Variants in ZFAT observed in about 807,000 individuals in gnomAD.
ZFAT encodes zinc finger protein ZFAT.
In ZFAT, 64 loss-of-function variants were observed where a neutral mutation model predicts 117.7. The ratio of observed to expected loss-of-function variants is 0.54; its 90% CI spans 0.44 to 0.67. The LOEUF (loss-of-function observed/expected upper bound fraction) is 0.67, where lower values mean the gene tolerates loss of function less well. Ranked by LOEUF, ZFAT falls within the 30% of genes least tolerant of loss-of-function variation. ZFAT has a pLI of 0.00. For missense variants in ZFAT, 1,433 were observed against 1,584.5 expected (o/e 0.90, Z 1.62); for synonymous variants, 679 against 615.0 (o/e 1.10, Z -1.54).
the ZFAT span, among the ~76,000 whole-genome samples, chr8:134,737,827 C>G: frequency 0.024 from 3,700 of 152,256 alleles, 58 homozygotes; most frequent in South Asian, 0.048. Context: ...GGCTCCTATC[C>G]AAGTCATTGT....
chr8:134,676,424 A>G (rs1832807837), intron 1 of ZFAT, among the ~76,000 whole-genome samples: 1 of 152,216 alleles, frequency 6.6e-6, no homozygotes. Context: ...CACCCGATAC[A>G]GGTGCACCCA....
chr8:134,487,754 G>A (rs1359273363), intron 15 of ZFAT, among the ~76,000 whole-genome samples: 1 of 152,142 alleles, frequency 6.6e-6, no homozygotes, highest in African/African-American at 2.4e-5. Context: ...CCTCCAGGAA[G>A]CTCCGTCAGT....
At chr8:134,505,284 A>G (rs2083683) in intron 15 of ZFAT, among the ~76,000 whole-genome samples, 121,210 of 152,082 alleles carry the variant, frequency 0.8, 48,551 homozygotes, top group East Asian at 0.97. Context: ...AGCTCAAGGT[A>G]TATTTGTTGC....
In ZFAT at chr8:134,657,457, G is replaced by C. The variant is rs180872425; in HGVS notation, c.196+104C>G. On this transcript the variant is annotated intron_variant, in intron 2 of 15. Coordinates refer to ENST00000377838, the MANE Select transcript of ZFAT (RefSeq NM_020863.4). ...CAATTGGAGACTTATTGTGACTTCT[G>C]ATTTGGAAATGTGGATTTTCTAGGC... 4 of 1,221,960 alleles carry C rather than the reference G, an allele frequency of 3.3e-6. No individual in the cohort carries two copies. The Admixed American group carries it at 9.9e-5, about 30-fold the overall frequency. The allele number at this position is 1,221,960 out of a possible 1,614,324, so 75.7% of individuals were successfully genotyped here. A position where few individuals can be genotyped will look rare whatever the true frequency, so the allele number is the denominator to read the frequency against.
chr8:134,821,500 G>C, the ZFAT span, among the ~76,000 whole-genome samples: 1 of 151,498 alleles, frequency 6.6e-6, no homozygotes, highest in African/African-American at 2.4e-5. Flanking sequence ...CATGAGTAGA[G>C]CGATATAGAT....
At position 134,695,224 on chromosome 8, in the gene ZFAT, G is replaced by C. The variant is rs538264376; in HGVS notation, c.19+17621C>G. Among the ~76,000 whole-genome samples the C allele has an allele frequency of 5.3e-4, 80 of 152,180 alleles. 1 individual carries two copies. Among genetic ancestry groups the C allele is most frequent in the Middle Eastern group, 6.8e-3 (2 of 294 alleles). ...CCCGGGAGGCACCCCGGCCAGGAAG[G>C]CCCTCGCAGACGCTCTGAGAAGTGA... On this transcript the variant is annotated intron_variant, in intron 1 of 15. Transcript: ENST00000377838.
chr8:134,515,308 C>T (rs1820173694), intron 13 of ZFAT, among the ~76,000 whole-genome samples: 1 of 152,142 alleles, frequency 6.6e-6, no homozygotes, highest in South Asian at 2.1e-4. Context: ...GATTTATAAT[C>T]CTTTGGGTAT....
At chr8:134,636,470 T>C (rs78286317) in intron 3 of ZFAT, among the ~76,000 whole-genome samples, 5 of 152,172 alleles carry the variant, frequency 3.3e-5, no homozygotes, top group African/African-American at 9.7e-5. Flanking sequence ...AAAGCAACCA[T>C]AGGAGACAGG....
chr8:134,622,202 G>A (rs1226521311), intron 3 of ZFAT, among the ~76,000 whole-genome samples: 4 of 152,158 alleles, frequency 2.6e-5, no homozygotes, highest in African/African-American at 4.8e-5. Context: ...CATGAGCTGC[G>A]ACAGAGCCCC....
At position 134,615,280 on chromosome 8, in the gene ZFAT, G is replaced by A. The variant is rs146811935; in HGVS notation, c.449-4625C>T. ...TGGCTGACTGCAACCTCCACCTCCG[G>A]AGTTCAAGTGATTCTCGTGCCTCAG... On this transcript the variant is annotated intron_variant, in intron 3 of 15. Coordinates refer to ENST00000377838, the MANE Select transcript of ZFAT (RefSeq NM_020863.4). Among the ~76,000 whole-genome samples, 784 of 152,262 alleles carry A rather than the reference G, an allele frequency of 5.1e-3. 3 individuals carry two copies. Among genetic ancestry groups the A allele is most frequent in the Admixed American group, 6.7e-3 (103 of 15,294 alleles).
chr8:134,653,276 AAAAAAAAAAAAAAAAC>A (rs1831378022), intron 2 of ZFAT, among the ~76,000 whole-genome samples: 1 of 129,604 alleles, frequency 7.7e-6, no homozygotes, highest in Admixed American at 7.5e-5. Flanking sequence ...TTTTTAAAAA[AAAAAAAAAAAAAAAAC>A]AAAAAACAGG....
chr8:134,653,270 TAAAAAAA>T (rs374514584), intron 2 of ZFAT, among the ~76,000 whole-genome samples: 1 of 91,888 alleles, frequency 1.1e-5, no homozygotes, highest in South Asian at 4.2e-4. Flanking sequence ...ATGTCTTTTT[TAAAAAAA>T]AAAAAAAAAA....
intron 2 of ZFAT, among the ~76,000 whole-genome samples, chr8:134,647,153 A>G (rs1830944402): frequency 6.6e-6 from 1 of 152,208 alleles, no homozygotes; most frequent in East Asian, 1.9e-4. Context: ...TCAACAGCAC[A>G]TTAAAAAAAT....
At chr8:134,600,766 C>T (rs1003061079) in intron 6 of ZFAT, 98 bp from the exon 7 acceptor site, 11 of 985,712 alleles carry the variant, frequency 1.1e-5, no homozygotes, top group Middle Eastern at 3.1e-4. Context: ...TATCTATCTC[C>T]CTCTTGCGCT....
At chr8:134,714,424 G>C (rs1156451290), upstream of ZFAT, among the ~76,000 whole-genome samples, 1 of 152,074 alleles carries the variant, frequency 6.6e-6, no homozygotes, top group Non-Finnish European at 1.5e-5. Flanking sequence ...CTCAGCGCCT[G>C]TTGCATAGTC....
chr8:134,711,724 T>C (rs1428979684), intron 1 of ZFAT, among the ~76,000 whole-genome samples: 2 of 152,152 alleles, frequency 1.3e-5, no homozygotes, highest in South Asian at 2.1e-4. Flanking sequence ...CCAGGACACA[T>C]TCTCCCACAT....
intron 15 of ZFAT, among the ~76,000 whole-genome samples, chr8:134,488,345 C>G (rs1204446294): frequency 6.6e-6 from 1 of 152,194 alleles, no homozygotes; most frequent in African/African-American, 2.4e-5. Context: ...GTGTGAAAGG[C>G]CAGTGCTTGT....
At chr8:134,727,794 A>T in the ZFAT span, among the ~76,000 whole-genome samples, 2 of 152,230 alleles carry the variant, frequency 1.3e-5, no homozygotes, top group Admixed American at 1.3e-4. Context: ...AGCCAAAGGG[A>T]ATGTAAATAA....
intron 15 of ZFAT, among the ~76,000 whole-genome samples, chr8:134,486,792 A>G (rs1454940485): frequency 6.6e-6 from 1 of 152,232 alleles, no homozygotes; most frequent in Admixed American, 6.5e-5. Context: ...TGATGAGATC[A>G]GGCATGGGAG....
Sources: gnomAD v4.1 joint callset for allele counts (sites outside exome capture counted in the v4.1 genomes callset) on GRCh38, gnomAD v4.1.1 for gene constraint, MANE v1.5 for transcripts, NCBI Gene and HGNC (gene_info 2026-07-23, HGNC 2026-07-21) for gene names.